Variants in KCNH8 observed in about 807,000 individuals in gnomAD.
KCNH8 encodes potassium voltage-gated channel subfamily H member 8.
A neutral mutation model predicts 103.6 loss-of-function variants in KCNH8; 70 were observed. That is an observed-to-expected ratio of 0.68 (90% CI 0.56 to 0.82). The LOEUF (loss-of-function observed/expected upper bound fraction) is 0.82. Ranked by LOEUF, KCNH8 falls within the 40% of genes least tolerant of loss-of-function variation. The pLI is 0.00. For missense variants in KCNH8, 1,217 were observed against 1,329.9 expected (o/e 0.92, Z 1.32); for synonymous variants, 498 against 489.4 (o/e 1.02, Z -0.23).
intron 7 of KCNH8, among the ~76,000 whole-genome samples, chr3:19,416,335 CAAAT>C (rs1457255331): frequency 2.6e-5 from 4 of 152,054 alleles, no homozygotes; most frequent in East Asian, 1.9e-4. Context: ...ATTTTCTAAT[CAAAT>C]AAATAAAGAA....
At chr3:19,180,960 G>C (rs1409582108) in intron 1 of KCNH8, among the ~76,000 whole-genome samples, 1 of 152,030 alleles carries the variant, frequency 6.6e-6, no homozygotes. Flanking sequence ...GTAGACTAGA[G>C]ACAGAAATAT....
intron 15 of KCNH8, among the ~76,000 whole-genome samples, chr3:19,525,615 G>T (rs1458694423): frequency 1.3e-5 from 2 of 151,950 alleles, no homozygotes; most frequent in Non-Finnish European, 2.9e-5. Context: ...CCAAAGGCCT[G>T]AGCTTGCAGA....
chr3:19,346,934 T>A (rs2065737516), intron 4 of KCNH8, among the ~76,000 whole-genome samples: 1 of 152,126 alleles, frequency 6.6e-6, no homozygotes. Context: ...GAATTGTTCA[T>A]CAATTTGAAC....
In KCNH8 at chr3:19,229,899, G is replaced by A. The variant is rs192330052; in HGVS notation, c.77-23755G>A. Among the ~76,000 whole-genome samples the A allele has an allele frequency of 3.2e-3, 485 of 152,158 alleles. 3 individuals are homozygous for A. Among genetic ancestry groups the A allele is most frequent in the Admixed American group, 4.8e-3 (74 of 15,298 alleles). Reference sequence around the variant, plus strand: ...TTTTCAGCAATGCCCCACTCTACTGGTACCAATTTACTGTATTAGTCTATT... The same window carrying A: ...TTTTCAGCAATGCCCCACTCTACTGATACCAATTTACTGTATTAGTCTATT... On this transcript the variant is annotated intron_variant, in intron 1 of 15. Coordinates refer to ENST00000328405, the MANE Select transcript of KCNH8 (RefSeq NM_144633.3).
At chr3:19,202,672 T>G (rs1435792362) in intron 1 of KCNH8, among the ~76,000 whole-genome samples, 1 of 152,004 alleles carries the variant, frequency 6.6e-6, no homozygotes, top group Non-Finnish European at 1.5e-5. Flanking sequence ...CTATAGAGAG[T>G]AGTCTGTAAC....
At chr3:19,239,693 C>CCTAT (rs1216378494) in intron 1 of KCNH8, among the ~76,000 whole-genome samples, 1 of 149,518 alleles carries the variant, frequency 6.7e-6, no homozygotes, top group Non-Finnish European at 1.5e-5. Context: ...TACCTACCTA[C>CCTAT]CTATCTATCT....
chr3:19,308,675 T>C (rs2065162858), intron 3 of KCNH8, among the ~76,000 whole-genome samples: 2 of 50,076 alleles, frequency 4.0e-5, no homozygotes, highest in African/African-American at 1.1e-4. Context: ...TCTCTCTCTC[T>C]CTCTCTCTCT....
In KCNH8 at chr3:19,368,253, C is replaced by T. The variant is rs747839181; in HGVS notation, c.811+20288C>T. Among the ~76,000 whole-genome samples the T allele has an allele frequency of 3.2e-4, 48 of 152,012 alleles. 1 individual carries two copies. The highest frequency in any genetic ancestry group is 1.3e-4 in the Non-Finnish European group (9 of 67,962). ...CCATACAATGATTAGGGAAATTTGT[C>T]TAAGCATGGAAAACTCTCAGTGAAT... On this transcript the variant is annotated intron_variant, in intron 5 of 15. Coordinates refer to ENST00000328405, the MANE Select transcript of KCNH8 (RefSeq NM_144633.3).
intron 1 of KCNH8, among the ~76,000 whole-genome samples, chr3:19,149,155 A>C (rs1158075400): frequency 1.3e-5 from 2 of 152,040 alleles, no homozygotes; most frequent in African/African-American, 4.8e-5. Context: ...ATCTTTCTAG[A>C]GTTTCAAGGC....
At chr3:19,213,589 T>C (rs140651717) in intron 1 of KCNH8, among the ~76,000 whole-genome samples, 5 of 152,322 alleles carry the variant, frequency 3.3e-5, no homozygotes, top group Admixed American at 3.3e-4. Context: ...TTCTAGTTGC[T>C]TGGGCCAAAA....
At chr3:19,189,399 T>G in intron 1 of KCNH8, among the ~76,000 whole-genome samples, 2 of 152,102 alleles carry the variant, frequency 1.3e-5, no homozygotes, top group Middle Eastern at 6.8e-3. Flanking sequence ...ATTTTAATTA[T>G]TTATAATTAT....
intron 11 of KCNH8, among the ~76,000 whole-genome samples, chr3:19,474,450 G>A (rs1399061384): frequency 6.6e-6 from 1 of 152,116 alleles, no homozygotes; most frequent in Non-Finnish European, 1.5e-5. Context: ...TTGAGTGGAG[G>A]AAACAGCAGC....
At chr3:19,362,398 A>G (rs2125110349) in intron 5 of KCNH8, among the ~76,000 whole-genome samples, 1 of 152,236 alleles carries the variant, frequency 6.6e-6, no homozygotes, top group South Asian at 2.1e-4. Context: ...TTGTTTTAGT[A>G]GATTGGTTTG....
intron 5 of KCNH8, among the ~76,000 whole-genome samples, chr3:19,389,811 A>G (rs1422356400): frequency 6.6e-6 from 1 of 151,854 alleles, no homozygotes; most frequent in Admixed American, 6.6e-5. Context: ...TTGAATTTTA[A>G]TAGAGATGAG....
chr3:19,458,254 A>C (rs1180420819), intron 11 of KCNH8, among the ~76,000 whole-genome samples: 1 of 152,006 alleles, frequency 6.6e-6, no homozygotes, highest in Non-Finnish European at 1.5e-5. Flanking sequence ...TCTTTTAAAA[A>C]AAATCAGTAG....
chr3:19,325,870 T>C (rs993085322), intron 3 of KCNH8, among the ~76,000 whole-genome samples: 1 of 152,104 alleles, frequency 6.6e-6, no homozygotes, highest in Non-Finnish European at 1.5e-5. Context: ...TTCTATAATA[T>C]TATAAAGACA....
intron 15 of KCNH8, among the ~76,000 whole-genome samples, chr3:19,527,718 G>C (rs949004610): frequency 6.6e-6 from 1 of 152,066 alleles, no homozygotes; most frequent in Non-Finnish European, 1.5e-5. Flanking sequence ...ATCAGTGTGT[G>C]GATTATCATG....
intron 1 of KCNH8, among the ~76,000 whole-genome samples, chr3:19,232,013 A>T (rs1227635264): frequency 6.6e-6 from 1 of 152,210 alleles, no homozygotes; most frequent in Non-Finnish European, 1.5e-5. Context: ...AGAGGTCACT[A>T]TGCTGAATTG....
chr3:19,329,065 A>G (rs2065469417), intron 3 of KCNH8, among the ~76,000 whole-genome samples: 2 of 152,156 alleles, frequency 1.3e-5, no homozygotes, highest in Non-Finnish European at 2.9e-5. Flanking sequence ...TACAAATCCA[A>G]AAGCAGAAGT....
Sources: allele counts gnomAD v4.1 joint callset (sites outside exome capture counted in the v4.1 genomes callset), GRCh38; gene constraint gnomAD v4.1.1; transcripts MANE v1.5; gene names NCBI Gene and HGNC (gene_info 2026-07-23, HGNC 2026-07-21).